STIMATE: variants seen among roughly 807,000 people sequenced by gnomAD.
STIMATE encodes store-operated calcium entry regulator STIMATE.
In STIMATE, 15 loss-of-function variants were observed where a neutral mutation model predicts 36.7. The ratio of observed to expected loss-of-function variants is 0.41; its 90% CI spans 0.27 to 0.63. The LOEUF is 0.63. STIMATE is among the 20% of genes least tolerant of loss of function. STIMATE has a pLI of 0.32. For synonymous variants in STIMATE, 163 were observed against 162.3 expected (o/e 1.00, Z -0.03); for missense variants, 305 against 397.3 (o/e 0.77, Z 1.98).
chr3:52,847,478 T>C, intron 4 of STIMATE: 9 of 1,289,602 alleles, frequency 7.0e-6, no homozygotes, highest in Non-Finnish European at 9.1e-6. Flanking sequence ...CTGGATCTGG[T>C]CTCAACCGCC....
rs192052632 is a variant in STIMATE at position 52,853,936 on chromosome 3, C to T, written c.210-1238G>A. Reference sequence around the variant, plus strand: ...GTCTTGAAGAGCTGACTGTATCCTTCCAAGTGATGTATTATTTTGGAGTTT... The same window carrying T: ...GTCTTGAAGAGCTGACTGTATCCTTTCAAGTGATGTATTATTTTGGAGTTT... On this transcript the variant is annotated intron_variant, in intron 2 of 7. Transcript: ENST00000355083. 7.4e-3 allele frequency among the ~76,000 whole-genome samples: 1,125 copies of T among 152,278 alleles called. 119 individuals carry two copies. The South Asian group carries it at 0.21, about 28-fold the overall frequency.
At chr3:52,883,708 T>C (rs1039876001) in intron 1 of STIMATE, among the ~76,000 whole-genome samples, 1 of 152,194 alleles carries the variant, frequency 6.6e-6, no homozygotes, top group East Asian at 1.9e-4. Flanking sequence ...TCTTTCATAG[T>C]TTAATTTTTG....
intron 1 of STIMATE, chr3:52,895,942 G>C (rs534859711): frequency 1.6e-6 from 2 of 1,289,718 alleles, no homozygotes; most frequent in Non-Finnish European, 2.0e-6. Flanking sequence ...TGGCTAAGTT[G>C]TCACAAATTA....
intron 1 of STIMATE, among the ~76,000 whole-genome samples, chr3:52,872,788 G>A (rs544770152): frequency 1.3e-5 from 2 of 152,276 alleles, no homozygotes; most frequent in African/African-American, 4.8e-5. Flanking sequence ...ACCACACCCA[G>A]CTAATTTTTG....
At chr3:52,892,416 T>G (rs2106737358) in intron 1 of STIMATE, among the ~76,000 whole-genome samples, 1 of 152,280 alleles carries the variant, frequency 6.6e-6, no homozygotes, top group African/African-American at 2.4e-5. Flanking sequence ...AAATGAAAGC[T>G]CTGAGCCAGC....
chr3:52,886,245 G>A (rs1701685171), intron 1 of STIMATE, among the ~76,000 whole-genome samples: 1 of 152,214 alleles, frequency 6.6e-6, no homozygotes, highest in Non-Finnish European at 1.5e-5. Context: ...ACGTGCAGAG[G>A]TCAGCGAAGC....
intron 1 of STIMATE, among the ~76,000 whole-genome samples, 162 bp from the exon 2 acceptor site, chr3:52,855,606 T>C (rs914586145): frequency 6.6e-6 from 1 of 152,216 alleles, no homozygotes; most frequent in Non-Finnish European, 1.5e-5. Context: ...CGAAGGTCAC[T>C]GAGGTCCTGT....
chr3:52,852,560 T>C (rs771053079), intron 3 of STIMATE, 43 bp downstream of exon 3: 1 of 1,610,106 alleles, frequency 6.2e-7, no homozygotes, highest in South Asian at 1.1e-5. Context: ...ATATTTTCAA[T>C]GGAGGGGCAG....
chr3:52,892,023 G>A (rs952832777), intron 1 of STIMATE, among the ~76,000 whole-genome samples: 2 of 152,214 alleles, frequency 1.3e-5, no homozygotes, highest in Non-Finnish European at 2.9e-5. Flanking sequence ...ATGGCAGAGC[G>A]AAGCAGACAT....
chr3:52,891,500 A>G (rs2106736096), intron 1 of STIMATE, among the ~76,000 whole-genome samples: 1 of 152,306 alleles, frequency 6.6e-6, no homozygotes, highest in Middle Eastern at 3.4e-3. Flanking sequence ...GAAGTGGGGC[A>G]GCCCCAGGCA....
intron 1 of STIMATE, among the ~76,000 whole-genome samples, chr3:52,890,184 C>G (rs1200875092): frequency 1.3e-5 from 2 of 152,244 alleles, no homozygotes; most frequent in Non-Finnish European, 2.9e-5. Flanking sequence ...GCCTGCCTGC[C>G]TTCCTACAGC....
intron 5 of STIMATE, among the ~76,000 whole-genome samples, chr3:52,844,174 A>G (rs1249769414): frequency 1.3e-5 from 2 of 152,210 alleles, no homozygotes; most frequent in Non-Finnish European, 2.9e-5. Context: ...GCCCCAGACC[A>G]CTTTCTAACA....
At chr3:52,890,150 T>G (rs1701759253) in intron 1 of STIMATE, among the ~76,000 whole-genome samples, 1 of 152,158 alleles carries the variant, frequency 6.6e-6, no homozygotes, top group Non-Finnish European at 1.5e-5. Context: ...GCTTCTACAA[T>G]CCTCTTCACG....
chr3:52,857,848 C>T (rs1288489038), intron 1 of STIMATE, among the ~76,000 whole-genome samples: 1 of 151,906 alleles, frequency 6.6e-6, no homozygotes, highest in Non-Finnish European at 1.5e-5. Context: ...CTGTTGAAGT[C>T]CAAACCCACA....
rs59363675 is a variant in STIMATE, at chr3:52,837,984, ATGTGTGTGCACGTGCACG to A, written c.*2492_*2509del. The A allele has an allele frequency of 0.89, 135,166 of 151,756 alleles. 62,063 individuals are homozygous for A. The highest frequency in any genetic ancestry group is 1 in the Non-Finnish European group (67,769 of 67,902). 9.4% of individuals were successfully genotyped at this position (151,756 alleles called of 1,614,324 possible). ...TGGGGATACAGATTTGTGTGTGTACATGTGTGTGCACGTGCACGTGCACACACACACACAAACACACAA... is the reference window on the plus strand; with the variant it reads ...TGGGGATACAGATTTGTGTGTGTACATGCACACACACACACAAACACACAA... On this transcript the variant is annotated 3_prime_UTR_variant, in exon 8 of 8. Transcript: ENST00000355083.
At position 52,836,780 on chromosome 3, in the gene STIMATE, C is replaced by A; in HGVS notation, c.*3714G>T. On this transcript the variant is annotated 3_prime_UTR_variant, in exon 8 of 8. Coordinates refer to ENST00000355083, the MANE Select transcript of STIMATE (RefSeq NM_198563.5). Reference sequence around the variant, plus strand: ...ATAAGATGCCAAACTTTATTGTAAACCATTTTACAATGTAAGTACATCATC... The same window carrying A: ...ATAAGATGCCAAACTTTATTGTAAAACATTTTACAATGTAAGTACATCATC... The A allele has an allele frequency of 3.0e-6, 1 of 337,080 alleles. No homozygotes were observed. The highest frequency in any genetic ancestry group is 2.4e-5 in the South Asian group (1 of 42,306). 20.9% of individuals were successfully genotyped at this position (337,080 alleles called of 1,614,324 possible).
At chr3:52,841,079 G>T (rs143449286) in intron 7 of STIMATE, among the ~76,000 whole-genome samples, 61 of 152,280 alleles carry the variant, frequency 4.0e-4, no homozygotes, top group African/African-American at 1.5e-3. Flanking sequence ...GCCTCCACAG[G>T]CCATGTTCAC....
Position 52,840,343 on chromosome 3 carries a change from A to G in STIMATE, c.*151T>C. On this transcript the variant is annotated 3_prime_UTR_variant, in exon 8 of 8. Transcript: ENST00000355083. ...CTCTTCCCTCTTTTTAAGTCACAGT[A>G]GTCTGGGGGCAGGCGAGAGCGGGCA... The G allele has an allele frequency of 1.1e-6, 1 of 885,134 alleles. No homozygotes were observed. Among genetic ancestry groups the G allele is most frequent in the Non-Finnish European group, 1.7e-6 (1 of 591,338 alleles). 54.8% of individuals were successfully genotyped at this position (885,134 alleles called of 1,614,324 possible). A position where few individuals can be genotyped will look rare whatever the true frequency, so the allele number is the denominator to read the frequency against.
rs1180981571 is a variant in STIMATE, at chr3:52,892,092, A to T, written c.160+5199T>A. ...ATCCTGTTATTTTTAACCACTTGTA[A>T]AACCCCTTCAACAAATCTTCATGTT... On this transcript the variant is annotated intron_variant, in intron 1 of 7. Transcript: ENST00000355083. 2.6e-5 allele frequency among the ~76,000 whole-genome samples: 4 copies of T among 152,224 alleles called. No individual in the cohort carries two copies. The East Asian group carries it at 5.8e-4, about 22-fold the overall frequency.
Sources: allele counts gnomAD v4.1 joint callset (sites outside exome capture counted in the v4.1 genomes callset), GRCh38; gene constraint gnomAD v4.1.1; transcripts MANE v1.5; gene names NCBI Gene and HGNC (gene_info 2026-07-23, HGNC 2026-07-21).